The following ANKRD11 variants were observed in gnomAD, a reference collection of about 807,000 sequenced individuals.
ANKRD11 encodes the protein ankyrin repeat domain-containing protein 11.
A neutral mutation model predicts 195.7 loss-of-function variants in ANKRD11; 17 were observed. The ratio of observed to expected loss-of-function variants is 0.09; its 90% CI spans 0.06 to 0.13. The LOEUF (loss-of-function observed/expected upper bound fraction) is 0.13, where lower values mean the gene tolerates loss of function less well. Among genes scored for constraint, ANKRD11 ranks in the 10% least tolerant of loss-of-function variants. The pLI is 1.00. For synonymous variants in ANKRD11, 1,953 were observed against 1,528.1 expected (o/e 1.28, Z -6.49); for missense variants, 3,735 against 3,566.1 (o/e 1.05, Z -1.21).
chr16:89,303,886 G>A (rs1305184641), intron 4 of ANKRD11, among the ~76,000 whole-genome samples: 1 of 152,152 alleles, frequency 6.6e-6, no homozygotes, highest in Non-Finnish European at 1.5e-5. Context: ...CTTCTCACCT[G>A]GACCACTTCC....
intron 2 of ANKRD11, among the ~76,000 whole-genome samples, chr16:89,355,091 T>C (rs79040173): frequency 0.023 from 3,487 of 152,258 alleles, 147 homozygotes; most frequent in African/African-American, 0.078. Context: ...AGTCTAAATG[T>C]TGCTGACATT....
At chr16:89,439,109 G>A (rs970239168) in intron 1 of ANKRD11, among the ~76,000 whole-genome samples, 37 of 151,934 alleles carry the variant, frequency 2.4e-4, no homozygotes, top group Admixed American at 2.0e-4. Context: ...CATCACAATG[G>A]GAAACTCCCT....
At chr16:89,394,124 C>A (rs865774948) in intron 2 of ANKRD11, among the ~76,000 whole-genome samples, 2 of 152,302 alleles carry the variant, frequency 1.3e-5, no homozygotes, top group Middle Eastern at 3.4e-3. Flanking sequence ...TCCAGGCAGG[C>A]TTCCCAGGCC....
chr16:89,424,531 G>A (rs1394809451), intron 1 of ANKRD11, among the ~76,000 whole-genome samples: 2 of 152,010 alleles, frequency 1.3e-5, no homozygotes, highest in Admixed American at 1.3e-4. Flanking sequence ...ACGGGTGAAT[G>A]TGTGTTTCTC....
At chr16:89,314,962 C>CTCTT (rs1473754392) in intron 3 of ANKRD11, among the ~76,000 whole-genome samples, 1 of 152,224 alleles carries the variant, frequency 6.6e-6, no homozygotes, top group Non-Finnish European at 1.5e-5. Flanking sequence ...CAACCCAAAT[C>CTCTT]TCTTTGTTCC....
Position 89,284,412 on chromosome 16 carries a change from C to G in ANKRD11, c.2130G>C (p.Trp710Cys). The G allele has an allele frequency of 1.2e-6, 2 of 1,613,572 alleles. No individual in the cohort carries two copies. Among genetic ancestry groups the G allele is most frequent in the African/African-American group, 1.3e-5 (1 of 74,982 alleles). Residue 710 changes from tryptophan (W) to cysteine (C), a missense_variant, in exon 9 of 13, where the codon TGG becomes TGC. Coordinates refer to ENST00000301030, the MANE Select transcript of ANKRD11 (RefSeq NM_013275.6). The stretch of plus-strand genomic sequence containing the variant: ...TCAGTGATTTTTCATCTTTAAAGAG[C>G]CATTCTTTTTCTTCTAATTTCATTT... ...LSKMKLEEKE[W>C]LFKDEKSLKR...
At chr16:89,476,301 C>G (rs1271552310) in intron 1 of ANKRD11, among the ~76,000 whole-genome samples, 1 of 152,158 alleles carries the variant, frequency 6.6e-6, no homozygotes, top group Admixed American at 6.6e-5. Context: ...AATAACCCAC[C>G]ACAATCGGGA....
rs2034810573 is a variant in ANKRD11, at chr16:89,288,532, T to C, written c.740A>G (p.Tyr247Cys). The C allele has an allele frequency of 6.2e-7, 1 of 1,614,126 alleles. No individual in the cohort carries two copies. Among genetic ancestry groups the C allele is most frequent in the Non-Finnish European group, 8.5e-7 (1 of 1,180,016 alleles). ...GAAGAACGGGGGGATGCCAACCTTG[T>C]AGTGCCCGTTGTTGGCAGCGTCGTG... Reference protein sequence around the residue: ...PLHDAANNGHYKVVKLLLRYG... With the variant: ...PLHDAANNGHCKVVKLLLRYG... Residue 247 changes from tyrosine (Y) to cysteine (C), a missense_variant, in exon 7 of 13, where the codon TAC (tyrosine) becomes TGC (cysteine). Transcript: ENST00000301030.
chr16:89,309,727 C>T (rs1430859458), intron 3 of ANKRD11, among the ~76,000 whole-genome samples: 1 of 152,214 alleles, frequency 6.6e-6, no homozygotes, highest in Non-Finnish European at 1.5e-5. Flanking sequence ...CTAACCTTTC[C>T]TCACCAGCAC....
At chr16:89,309,261 A>T (rs2036475970) in intron 3 of ANKRD11, among the ~76,000 whole-genome samples, 1 of 152,200 alleles carries the variant, frequency 6.6e-6, no homozygotes. Flanking sequence ...AGAGAATGCC[A>T]ACAGGAGCAA....
At position 89,382,062 on chromosome 16, in the gene ANKRD11, A is replaced by T. The variant is rs117429725; in HGVS notation, c.-60+36222T>A. ...AGGCCCAGGGAAGGTGATGGGAAGGAGCCAGTGAATGGGGCCCAGGCAGGC... is the reference window on the plus strand; with the variant it reads ...AGGCCCAGGGAAGGTGATGGGAAGGTGCCAGTGAATGGGGCCCAGGCAGGC... On this transcript the variant is annotated intron_variant, in intron 2 of 12. Transcript: ENST00000301030. 2.3e-3 allele frequency among the ~76,000 whole-genome samples: 344 copies of T among 152,306 alleles called. 2 individuals carry two copies. The highest frequency in any genetic ancestry group is 3.8e-3 in the Non-Finnish European group (256 of 68,012).
rs1567594124 is a variant in ANKRD11, at chr16:89,291,551, C to T, written c.227-368G>A. 6 of 730,852 alleles carry T rather than the reference C, an allele frequency of 8.2e-6. No homozygotes were observed. The allele number at this position is 730,852 out of a possible 1,614,324, so 45.3% of individuals were successfully genotyped here. On this transcript the variant is annotated intron_variant, in intron 4 of 12. Transcript: ENST00000301030. The surrounding 1 kb of genome is among the most constrained non-coding windows in gnomAD (Gnocchi z 5.3). The stretch of plus-strand genomic sequence containing the variant: ...GTGACCTGGCTCACACAGGACAGGT[C>T]TCTGTTCAATACACGTGTCTGTAAT...
intron 2 of ANKRD11, among the ~76,000 whole-genome samples, chr16:89,376,800 A>C (rs781262618): frequency 1.3e-5 from 2 of 152,226 alleles, no homozygotes; most frequent in East Asian, 3.8e-4. Flanking sequence ...AAATCCTGTA[A>C]GAACATTTGT....
intron 2 of ANKRD11, among the ~76,000 whole-genome samples, chr16:89,415,836 A>AAAAAAAAAAAC (rs1567774069): frequency 5.7e-5 from 8 of 141,098 alleles, no homozygotes; most frequent in African/African-American, 2.1e-4. Context: ...TCTCAAAAAA[A>AAAAAAAAAAAC]AAAAAAAAAA....
chr16:89,462,127 T>G (rs926883273), intron 1 of ANKRD11, among the ~76,000 whole-genome samples: 2 of 146,714 alleles, frequency 1.4e-5, no homozygotes, highest in African/African-American at 5.0e-5. Context: ...CCTCTCATGC[T>G]GAGTCGAAGC....
chr16:89,481,567 C>A (rs954420670), intron 1 of ANKRD11, among the ~76,000 whole-genome samples: 1 of 152,172 alleles, frequency 6.6e-6, no homozygotes, highest in Non-Finnish European at 1.5e-5. Context: ...AAAAAAAGAA[C>A]CATTTAGGCA....
At position 89,345,836 on chromosome 16, in the gene ANKRD11, A is replaced by G. The variant is rs151068708; in HGVS notation, c.-59-28758T>C. On this transcript the variant is annotated intron_variant, in intron 2 of 12. Transcript: ENST00000301030. ...TGCTAGGTACAGACTTGAGGCCAGA[A>G]TGCATTCCAGGAGGTAAGGTGAGCC... is the stretch of plus-strand genomic sequence containing the variant. Among the ~76,000 whole-genome samples the G allele has an allele frequency of 1.1e-3, 170 of 152,320 alleles. 1 individual carries two copies. The South Asian group carries it at 0.024, about 21-fold the overall frequency.
rs761435149 is a variant in ANKRD11 at position 89,283,830 on chromosome 16, G to C, written c.2712C>G (p.Phe904Leu). 1 of 1,614,032 alleles carries C rather than the reference G, an allele frequency of 6.2e-7. No homozygotes were observed. The highest frequency in any genetic ancestry group is 1.3e-5 in the African/African-American group (1 of 74,930). The change falls in exon 9 of 13, where the codon TTC becomes TTG. Residue 904 changes from phenylalanine to leucine, a missense_variant. By Grantham distance (22) the Phe-to-Leu change is conservative. Transcript: ENST00000301030. The surrounding 1 kb of genome is among the most constrained non-coding windows in gnomAD (Gnocchi z 4.3). Reference protein sequence around the residue: ...AREKRDYREPFFRKKDRDYLD... With the variant: ...AREKRDYREPLFRKKDRDYLD... ...AATAGTCCCTGTCCTTCTTTCGGAA[G>C]AAGGGCTCTCTGTAGTCTCGCTTCT...
chr16:89,282,333 T>C lies in ANKRD11; in HGVS notation c.4209A>G (p.Gly1403=). The change falls in exon 9 of 13, where the codon GGA becomes GGG. Residue 1403 remains glycine, a synonymous_variant. Coordinates refer to ENST00000301030, the MANE Select transcript of ANKRD11 (RefSeq NM_013275.6). The stretch of plus-strand genomic sequence containing the variant: ...TGTCAGCTTTCATGTTGTAAGAAAC[T>C]CCGTAAGCATCCGCCTCCAGGAAGT... ...EKDFLEADAY[G]VSYNMKADIE... is the part of the protein sequence containing the mutation. The C allele has an allele frequency of 6.2e-7, 1 of 1,614,178 alleles. No individual in the cohort carries two copies. Among genetic ancestry groups the C allele is most frequent in the Non-Finnish European group, 8.5e-7 (1 of 1,180,040 alleles).
Sources: gnomAD v4.1 joint callset for allele counts (sites outside exome capture counted in the v4.1 genomes callset) on GRCh38, gnomAD v4.1.1 for gene constraint, Gnocchi (gnomAD v3.1) non-coding constraint, MANE v1.5 for transcripts, NCBI Gene and HGNC (gene_info 2026-07-23, HGNC 2026-07-21) for gene names.